ADAMTS15: variants seen among roughly 807,000 people sequenced by gnomAD.
ADAMTS15 encodes the protein ADAM metallopeptidase with thrombospondin type 1 motif 15, also known as A disintegrin and metalloproteinase with thrombospondin motifs 15.
A neutral mutation model predicts 79.1 loss-of-function variants in ADAMTS15; 35 were observed. That is an observed-to-expected ratio of 0.44 (90% CI 0.34 to 0.59). ADAMTS15 has a LOEUF of 0.59. Among genes scored for constraint, ADAMTS15 ranks in the 20% least tolerant of loss-of-function variants. The pLI, the probability that ADAMTS15 is intolerant of heterozygous loss-of-function variation, is 0.02. For synonymous variants in ADAMTS15, 616 were observed against 567.3 expected, an observed-to-expected ratio of 1.09 and a Z score of -1.22; for missense variants, 1,324 against 1,318.7, an observed-to-expected ratio of 1.00 and a Z score of -0.06.
At chr11:130,454,343 C>A (rs1938030978) in intron 1 of ADAMTS15, among the ~76,000 whole-genome samples, 1 of 152,214 alleles carries the variant, frequency 6.6e-6, no homozygotes, top group Admixed American at 6.5e-5. Flanking sequence ...TGACCTTGAG[C>A]AGTACTGTGT....
rs1216160831 is a variant in ADAMTS15 at position 130,448,791 on chromosome 11, G to T, written c.-183G>T. ...GGAAAGGCACAGGTAGGAAGCGCGG[G>T]CTGCCGGGTGCACGCTCGCCGCCCT... On this transcript the variant is annotated 5_prime_UTR_variant, in exon 1 of 8. Coordinates refer to ENST00000299164, the MANE Select transcript of ADAMTS15 (RefSeq NM_139055.4). Among the ~76,000 whole-genome samples, 1 of 152,204 alleles carries T rather than the reference G, an allele frequency of 6.6e-6. No individual in the cohort carries two copies. The highest frequency in any genetic ancestry group is 2.4e-5 in the African/African-American group (1 of 41,456).
At position 130,476,629 on chromosome 11, in the gene ADAMTS15, T is replaced by A. The variant is rs1938594102; in HGVS notation, c.*2808T>A. ...CCACAGCCTTCTCCTAATAAAGCTG[T>A]AAGTATTTAAAACCTGTGTCCTGCC... On this transcript the variant is annotated 3_prime_UTR_variant, in exon 8 of 8. Coordinates refer to ENST00000299164, the MANE Select transcript of ADAMTS15 (RefSeq NM_139055.4). The A allele has an allele frequency of 6.6e-6, 1 of 152,208 alleles. No individual in the cohort carries two copies. The highest frequency in any genetic ancestry group is 6.5e-5 in the Admixed American group (1 of 15,270). 9.4% of individuals were successfully genotyped at this position (152,208 alleles called of 1,614,324 possible).
At position 130,462,540 on chromosome 11, in the gene ADAMTS15, CGAG is replaced by C; in HGVS notation, c.1305_1307del (p.Glu435del). 1 of 1,610,242 alleles carries C rather than the reference CGAG, an allele frequency of 6.2e-7. No homozygotes were observed. The highest frequency in any genetic ancestry group is 8.5e-7 in the Non-Finnish European group (1 of 1,177,582). On this transcript the variant is annotated inframe_deletion, in exon 4 of 8. Transcript: ENST00000299164. The surrounding 1 kb of genome is among the most constrained non-coding windows in gnomAD (Gnocchi z 4.3). ...AACCCAGCAAGCCCATCTCCCTGCCCGAGGATCTGCCGGGCGCCAGCTACACCC... is the reference window on the plus strand; with the variant it reads ...AACCCAGCAAGCCCATCTCCCTGCCCGATCTGCCGGGCGCCAGCTACACCC...
At chr11:130,452,567 G>A (rs530426152) in intron 1 of ADAMTS15, among the ~76,000 whole-genome samples, 117 of 152,302 alleles carry the variant, frequency 7.7e-4, no homozygotes, top group Middle Eastern at 3.4e-3. Context: ...TGCCGTTTGG[G>A]TGACCCTTTG....
At position 130,449,078 on chromosome 11, in the gene ADAMTS15, T is replaced by C. The variant is rs140642434; in HGVS notation, c.105T>C (p.Ile35=). The change falls in exon 1 of 8, where the codon ATT becomes ATC. Residue 35 remains isoleucine, a synonymous_variant. Transcript: ENST00000299164. This position sits in a 1 kb window ranked among gnomAD's most constrained non-coding sequence, Gnocchi z 7.8. ...TTCCCATCCGACTGGACCCGGACAT[T>C]AACGGCCGCCGCTACTACTGGCGGG... The part of the protein sequence containing the change: ...VVVPIRLDPD[I]NGRRYYWRGP... 3 of 1,577,370 alleles carry C rather than the reference T, an allele frequency of 1.9e-6. No individual in the cohort carries two copies. Among genetic ancestry groups the C allele is most frequent in the Non-Finnish European group, 2.6e-6 (3 of 1,157,788 alleles).
intron 2 of ADAMTS15, among the ~76,000 whole-genome samples, chr11:130,461,875 A>G (rs1938205986): frequency 1.3e-5 from 2 of 152,170 alleles, no homozygotes; most frequent in South Asian, 4.1e-4. Flanking sequence ...ACAAGGAGGT[A>G]CACTCTGTTG....
intron 7 of ADAMTS15, 78 bp downstream of exon 7, chr11:130,471,461 G>A: frequency 2.6e-6 from 4 of 1,515,020 alleles, no homozygotes; most frequent in Non-Finnish European, 3.5e-6. Context: ...GGAAGCTTGG[G>A]TTAGACTGGG....
intron 1 of ADAMTS15, among the ~76,000 whole-genome samples, chr11:130,459,214 G>C (rs548086308): frequency 6.6e-6 from 1 of 151,978 alleles, no homozygotes; most frequent in Non-Finnish European, 1.5e-5. Flanking sequence ...ACAAAAATTA[G>C]CTGAGCATGG....
rs1188145696 is a variant in ADAMTS15, at chr11:130,471,038, G to C, written c.1839G>C (p.Arg613=). The part of the protein sequence containing the change: ...WVPKYSGVSP[R]DKCKLICRAN... The stretch of plus-strand genomic sequence containing the variant: ...CCAAGTACTCCGGCGTGTCTCCCCG[G>C]GACAAGTGCAAGCTCATCTGCCGAG... The change falls in exon 6 of 8, where the codon CGG becomes CGC. Residue 613 remains arginine (R), a synonymous_variant. Transcript: ENST00000299164. 1.9e-6 allele frequency: 3 copies of C among 1,613,706 alleles called. No individual in the cohort carries two copies. Among genetic ancestry groups the C allele is most frequent in the Non-Finnish European group, 1.7e-6 (2 of 1,180,024 alleles).
Position 130,449,351 on chromosome 11 carries a change from C to A in ADAMTS15, c.378C>A (p.Ala126=), listed in dbSNP as rs1342211446. The change falls in exon 1 of 8, where the codon GCC becomes GCA. Residue 126 remains alanine, a synonymous_variant. Transcript: ENST00000299164. This position sits in a 1 kb window ranked among gnomAD's most constrained non-coding sequence, Gnocchi z 7.8. ...GCCTGTGCGGGGGGCTCCGCGGAGCCTTTGGCTACCGAGGCGCCGAGTATG... is the reference window on the plus strand; with the variant it reads ...GCCTGTGCGGGGGGCTCCGCGGAGCATTTGGCTACCGAGGCGCCGAGTATG... ...AVSLCGGLRG[A]FGYRGAEYVI... is the part of the protein sequence containing the mutation. 6 of 1,607,190 alleles carry A rather than the reference C, an allele frequency of 3.7e-6. No individual in the cohort carries two copies. The highest frequency in any genetic ancestry group is 4.2e-6 in the Non-Finnish European group (5 of 1,179,978).
Position 130,461,566 on chromosome 11 carries a change from C to T in ADAMTS15, c.1035C>T (p.Cys345=). Residue 345 remains cysteine (C), a synonymous_variant, in exon 2 of 8, where the codon TGC becomes TGT. Coordinates refer to ENST00000299164, the MANE Select transcript of ADAMTS15 (RefSeq NM_139055.4). ...CCATGTGTGACCCCAAGAGAAGCTG[C>T]TCTGTCATTGAGGACGATGGGCTTC... ...VGTMCDPKRS[C]SVIEDDGLPS... is the part of the protein sequence containing the mutation. The T allele has an allele frequency of 1.2e-6, 2 of 1,614,200 alleles. No individual in the cohort carries two copies. The highest frequency in any genetic ancestry group is 1.7e-6 in the Non-Finnish European group (2 of 1,180,048).
chr11:130,470,152 G>GTATATATATATATATATATA (rs1157689519), intron 5 of ADAMTS15, among the ~76,000 whole-genome samples: 1 of 73,764 alleles, frequency 1.4e-5, no homozygotes, highest in Non-Finnish European at 2.3e-5. Flanking sequence ...ATATATATAT[G>GTATATATATATATATATATA]TGTATATATA....
At position 130,449,739 on chromosome 11, in the gene ADAMTS15, C is replaced by A. The variant is rs765637086; in HGVS notation, c.766C>A (p.Pro256Thr). 1.2e-6 allele frequency: 2 copies of A among 1,612,694 alleles called. No individual in the cohort carries two copies. Among genetic ancestry groups the A allele is most frequent in the Non-Finnish European group, 1.7e-6 (2 of 1,179,908 alleles). ...LATAARLYRH[P>T]SILNPINIVV... ...AACGGCGGCGCGACTCTACCGCCAT[C>A]CCAGCATCCTCAACCCCATCAACAT... The change falls in exon 1 of 8, where the codon CCC becomes ACC. Residue 256 changes from proline to threonine, a missense_variant. Coordinates refer to ENST00000299164, the MANE Select transcript of ADAMTS15 (RefSeq NM_139055.4). The surrounding 1 kb of genome is among the most constrained non-coding windows in gnomAD (Gnocchi z 7.8).
chr11:130,448,867 C>T lies in ADAMTS15; in HGVS notation c.-107C>T, dbSNP rs1266127401. 4 of 850,654 alleles carry T rather than the reference C, an allele frequency of 4.7e-6. No homozygotes were observed. Among genetic ancestry groups the T allele is most frequent in the Non-Finnish European group, 6.5e-6 (4 of 613,926 alleles). 52.7% of individuals were successfully genotyped at this position (850,654 alleles called of 1,614,324 possible). A position where few individuals can be genotyped will look rare whatever the true frequency, so the allele number is the denominator to read the frequency against. On this transcript the variant is annotated 5_prime_UTR_variant, in exon 1 of 8. Coordinates refer to ENST00000299164, the MANE Select transcript of ADAMTS15 (RefSeq NM_139055.4). Reference sequence around the variant, plus strand: ...TCCTTTCTGGGAACTGCCGGCTGTCCCGTAGCGTTGGCGGTTCCAGAGTGC... The same window carrying T: ...TCCTTTCTGGGAACTGCCGGCTGTCTCGTAGCGTTGGCGGTTCCAGAGTGC...
intron 4 of ADAMTS15, among the ~76,000 whole-genome samples, chr11:130,468,749 A>G (rs1033516419): frequency 7.6e-6 from 1 of 131,616 alleles, no homozygotes; most frequent in Non-Finnish European, 1.6e-5. Flanking sequence ...TGGGCGAAAG[A>G]GTGAGACTCC....
chr11:130,449,362 G>A lies in ADAMTS15; in HGVS notation c.389G>A (p.Arg130Gln). The A allele has an allele frequency of 1.2e-6, 2 of 1,605,866 alleles. No homozygotes were observed. The highest frequency in any genetic ancestry group is 1.7e-6 in the Non-Finnish European group (2 of 1,179,948). ...CGGLRGAFGYRGAEYVISPLP... is the reference protein window; with the variant it reads ...CGGLRGAFGYQGAEYVISPLP... ...GGGCTCCGCGGAGCCTTTGGCTACC[G>A]AGGCGCCGAGTATGTCATTAGCCCG... Residue 130 changes from arginine (R) to glutamine (Q), a missense_variant, in exon 1 of 8, where the codon CGA becomes CAA. Transcript: ENST00000299164. This position sits in a 1 kb window ranked among gnomAD's most constrained non-coding sequence, Gnocchi z 7.8.
Position 130,471,237 on chromosome 11 carries a change from C to T in ADAMTS15, c.1932C>T (p.Asp644=), listed in dbSNP as rs1361467571. ...KVVDGTLCSP[D]STSVCVQGKC... is the part of the protein sequence containing the mutation. ...TGGACGGCACGCTGTGCTCTCCTGA[C>T]TCCACCTCCGTCTGTGTCCAAGGCA... Residue 644 remains aspartate, a synonymous_variant, in exon 7 of 8, where the codon GAC becomes GAT. Transcript: ENST00000299164. 3 of 1,608,256 alleles carry T rather than the reference C, an allele frequency of 1.9e-6. No homozygotes were observed. Among genetic ancestry groups the T allele is most frequent in the South Asian group, 1.1e-5 (1 of 89,982 alleles).
chr11:130,459,641 C>G (rs995677072), intron 1 of ADAMTS15, among the ~76,000 whole-genome samples: 27 of 152,204 alleles, frequency 1.8e-4, no homozygotes, highest in Non-Finnish European at 3.5e-4. Context: ...AGGTGGCAGA[C>G]CTGGCTGGGT....
Position 130,462,893 on chromosome 11 carries a change from G to A in ADAMTS15, c.1542+113G>A, listed in dbSNP as rs1378852509. On this transcript the variant is annotated intron_variant, in intron 4 of 7. Coordinates refer to ENST00000299164, the MANE Select transcript of ADAMTS15 (RefSeq NM_139055.4). The surrounding 1 kb of genome is among the most constrained non-coding windows in gnomAD (Gnocchi z 4.3). The stretch of plus-strand genomic sequence containing the variant: ...AAGGTGCCTATCACAGACTGGCCAC[G>A]GGACCAGCACTGTTGCATGGCTGAG... The A allele has an allele frequency of 5.7e-6, 8 of 1,414,994 alleles. No individual in the cohort carries two copies. The highest frequency in any genetic ancestry group is 4.3e-5 in the African/African-American group (3 of 70,048). The allele number at this position is 1,414,994 out of a possible 1,614,324, so 87.7% of individuals were successfully genotyped here.
Sources: gnomAD v4.1 joint callset for allele counts (sites outside exome capture counted in the v4.1 genomes callset) on GRCh38, gnomAD v4.1.1 for gene constraint, Gnocchi (gnomAD v3.1) non-coding constraint, MANE v1.5 for transcripts, NCBI Gene and HGNC (gene_info 2026-07-23, HGNC 2026-07-21) for gene names.